The following PHYHIPL variants were observed in gnomAD, a reference collection of about 807,000 sequenced individuals.
PHYHIPL encodes the protein phytanoyl-CoA 2-hydroxylase interacting protein like.
In PHYHIPL, 9 loss-of-function variants were observed where a neutral mutation model predicts 33.4. The ratio of observed to expected loss-of-function variants is 0.27; its 90% CI spans 0.16 to 0.47. PHYHIPL has a LOEUF of 0.47. Ranked by LOEUF, PHYHIPL falls within the 20% of genes least tolerant of loss-of-function variation. The probability of loss-of-function intolerance (pLI) is 0.99; values close to 1 mark genes in which losing one functional copy is unlikely to be tolerated. For synonymous variants in PHYHIPL, 153 were observed against 154.1 expected (o/e 0.99, Z 0.05); for missense variants, 365 against 460.7 (o/e 0.79, Z 1.90).
intron 1 of PHYHIPL, among the ~76,000 whole-genome samples, chr10:59,211,199 C>G (rs970314742): frequency 6.6e-6 from 1 of 151,758 alleles, no homozygotes; most frequent in Non-Finnish European, 1.5e-5. Context: ...ATAGTGAGAC[C>G]CCCATGTCTA....
In PHYHIPL at chr10:59,179,702, T is replaced by C. The variant is rs185719384; in HGVS notation, c.106+2743T>C. Reference sequence around the variant, plus strand: ...TTTGTTTTTGTCTGTCACTTGCCTATTTTCCTATGAATTGATGATTACATT... The same window carrying C: ...TTTGTTTTTGTCTGTCACTTGCCTACTTTCCTATGAATTGATGATTACATT... On this transcript the variant is annotated intron_variant, in intron 1 of 4. Coordinates refer to ENST00000373880, the MANE Select transcript of PHYHIPL (RefSeq NM_032439.4). 2.0e-4 allele frequency among the ~76,000 whole-genome samples: 31 copies of C among 152,286 alleles called. No homozygotes were observed. In the East Asian group the frequency reaches 5.8e-3, roughly 28 times the overall value.
intron 1 of PHYHIPL, among the ~76,000 whole-genome samples, chr10:59,202,075 A>G (rs1322238795): frequency 6.6e-6 from 1 of 152,188 alleles, no homozygotes; most frequent in South Asian, 2.1e-4. Context: ...TAGACCAGGT[A>G]TAAGGAATCA....
At chr10:59,188,210 C>T (rs917198487) in intron 1 of PHYHIPL, among the ~76,000 whole-genome samples, 1 of 152,158 alleles carries the variant, frequency 6.6e-6, no homozygotes, top group African/African-American at 2.4e-5. Flanking sequence ...TTTCTGCCTT[C>T]ATTTTGTTAT....
At chr10:59,241,589 G>A (rs1840398881) in intron 4 of PHYHIPL, among the ~76,000 whole-genome samples, 1 of 152,072 alleles carries the variant, frequency 6.6e-6, no homozygotes, top group African/African-American at 2.4e-5. Context: ...TCCTCAAAGT[G>A]TAGGTTCTAG....
intron 1 of PHYHIPL, among the ~76,000 whole-genome samples, chr10:59,197,155 G>A (rs918461122): frequency 1.3e-5 from 2 of 151,994 alleles, no homozygotes; most frequent in African/African-American, 4.8e-5. Flanking sequence ...TGACCTTCAG[G>A]GGCATTCTTC....
chr10:59,173,606 T>C (rs900308245), upstream of PHYHIPL, among the ~76,000 whole-genome samples: 3 of 152,180 alleles, frequency 2.0e-5, no homozygotes, highest in African/African-American at 7.2e-5. Context: ...TCTAGATTCT[T>C]CTTGACCTGT....
At chr10:59,203,295 A>AG (rs1366838137) in intron 1 of PHYHIPL, among the ~76,000 whole-genome samples, 5 of 152,232 alleles carry the variant, frequency 3.3e-5, no homozygotes, top group Admixed American at 1.3e-4. Context: ...GTGGAGAAAT[A>AG]GGAACACTTT....
At chr10:59,236,367 T>A in intron 2 of PHYHIPL, 116 bp from the exon 3 acceptor site, 1 of 502,058 alleles carries the variant, frequency 2.0e-6, no homozygotes, top group Middle Eastern at 3.2e-4. Flanking sequence ...CCCTTCTTCC[T>A]TCCCTCCTTC....
intron 1 of PHYHIPL, among the ~76,000 whole-genome samples, chr10:59,182,920 A>G (rs1368111079): frequency 6.6e-6 from 1 of 152,194 alleles, no homozygotes; most frequent in African/African-American, 2.4e-5. Context: ...GAAAGGAGAA[A>G]AAGAGAAATA....
chr10:59,182,078 A>C (rs138252378), intron 1 of PHYHIPL, among the ~76,000 whole-genome samples: 1 of 152,176 alleles, frequency 6.6e-6, no homozygotes, highest in Non-Finnish European at 1.5e-5. Context: ...GATTACTTTT[A>C]TATTTCATCC....
intron 1 of PHYHIPL, among the ~76,000 whole-genome samples, chr10:59,192,154 T>A (rs1047748721): frequency 1.3e-5 from 2 of 152,182 alleles, no homozygotes; most frequent in African/African-American, 4.8e-5. Flanking sequence ...GCAGGCAAAG[T>A]CTTCTTTTGA....
intron 1 of PHYHIPL, among the ~76,000 whole-genome samples, chr10:59,211,380 GT>G (rs1353614839): frequency 6.6e-6 from 1 of 151,902 alleles, no homozygotes; most frequent in East Asian, 1.9e-4. Flanking sequence ...CTTTGTTTTT[GT>G]TTTGTTTTGT....
intron 1 of PHYHIPL, among the ~76,000 whole-genome samples, chr10:59,199,213 C>T (rs1379227135): frequency 1.3e-5 from 2 of 152,078 alleles, no homozygotes; most frequent in Non-Finnish European, 2.9e-5. Context: ...GTCTTTAATC[C>T]ATCTTGAACT....
intron 1 of PHYHIPL, among the ~76,000 whole-genome samples, chr10:59,207,616 G>A (rs1000757461): frequency 6.6e-6 from 1 of 152,184 alleles, no homozygotes; most frequent in Non-Finnish European, 1.5e-5. Context: ...CAGCGGCCAG[G>A]CACGGTGGCT....
upstream of PHYHIPL, among the ~76,000 whole-genome samples, chr10:59,175,159 G>A (rs1008888438): frequency 2.0e-5 from 3 of 152,168 alleles, no homozygotes; most frequent in African/African-American, 7.2e-5. Context: ...TCCTTTGACA[G>A]GTAATAATTT....
At position 59,247,374 on chromosome 10, in the gene PHYHIPL, C is replaced by T. The variant is rs1367076102; in HGVS notation, c.*1783C>T. ...ACTTGTATTGACTATGAGTTTTCTG[C>T]TTGGCATGGAGGACACTGAATTTTT... On this transcript the variant is annotated 3_prime_UTR_variant, in exon 5 of 5. Transcript: ENST00000373880. 6.3e-6 allele frequency: 3 copies of T among 477,392 alleles called. No homozygotes were observed. The highest frequency in any genetic ancestry group is 1.1e-5 in the Non-Finnish European group (3 of 271,498). 29.6% of individuals were successfully genotyped at this position (477,392 alleles called of 1,614,324 possible). A position where few individuals can be genotyped will look rare whatever the true frequency, so the allele number is the denominator to read the frequency against.
rs182168097 is a variant in PHYHIPL at position 59,199,269 on chromosome 10, A to G, written c.106+22310A>G. On this transcript the variant is annotated intron_variant, in intron 1 of 4. Transcript: ENST00000373880. ...GGAAGGGATCCAGTTTCAGCTTTCT[A>G]CATATGGCTAGCCAGTTTTCCCAGC... is the stretch of plus-strand genomic sequence containing the variant. Among the ~76,000 whole-genome samples, 602 of 152,276 alleles carry G rather than the reference A, an allele frequency of 4.0e-3. 12 individuals are homozygous for G. Among genetic ancestry groups the G allele is most frequent in the African/African-American group, 0.014 (572 of 41,554 alleles).
At chr10:59,227,046 G>C (rs1321918810) in intron 1 of PHYHIPL, among the ~76,000 whole-genome samples, 2 of 152,086 alleles carry the variant, frequency 1.3e-5, no homozygotes, top group East Asian at 3.8e-4. Context: ...AAATAAGATG[G>C]AGAACTAACA....
intron 1 of PHYHIPL, among the ~76,000 whole-genome samples, chr10:59,221,389 T>A (rs917874667): frequency 2.0e-5 from 3 of 152,094 alleles, no homozygotes; most frequent in African/African-American, 7.2e-5. Context: ...AACATTTTAT[T>A]TACTGTTTTT....
Sources: gnomAD v4.1 joint callset for allele counts (sites outside exome capture counted in the v4.1 genomes callset) on GRCh38, gnomAD v4.1.1 for gene constraint, MANE v1.5 for transcripts, NCBI Gene and HGNC (gene_info 2026-07-23, HGNC 2026-07-21) for gene names.